MYO16: variants seen among roughly 807,000 people sequenced by gnomAD.
MYO16 encodes myosin XVI.
In MYO16, 94 loss-of-function variants were observed where a neutral mutation model predicts 205.3. That is an observed-to-expected ratio of 0.46 (90% CI 0.39 to 0.54). The LOEUF is 0.54. Ranked by LOEUF, MYO16 falls within the 20% of genes least tolerant of loss-of-function variation. The probability of loss-of-function intolerance (pLI) is 0.00; values close to 1 mark genes in which losing one functional copy is unlikely to be tolerated. For missense variants in MYO16, 2,315 were observed against 2,387.5 expected (o/e 0.97, Z 0.63); for synonymous variants, 988 against 954.0 (o/e 1.04, Z -0.66).
chr13:109,092,101 A>G (rs1888641131), intron 27 of MYO16, among the ~76,000 whole-genome samples: 2 of 152,224 alleles, frequency 1.3e-5, no homozygotes, highest in African/African-American at 4.8e-5. Context: ...AAGGGGTTTC[A>G]GGACACTGAA....
chr13:109,176,788 C>T (rs1244253378), intron 33 of MYO16, among the ~76,000 whole-genome samples: 1 of 151,540 alleles, frequency 6.6e-6, no homozygotes, highest in Non-Finnish European at 1.5e-5. Context: ...CCGTCTCCCC[C>T]AGCACCCACT....
In MYO16 at chr13:109,140,990, C is replaced by A. The variant is rs1280453374; in HGVS notation, c.4778C>A (p.Ser1593Tyr). Residue 1593 changes from serine to tyrosine, a missense_variant, in exon 32 of 35, where the codon TCC becomes TAC. This residue lies in a region of MYO16 where 1,097 missense variants were observed against 1,092.0 expected (regional missense o/e 1.00). Coordinates refer to ENST00000457511, the MANE Select transcript of MYO16 (RefSeq NM_001198950.3). This position sits in a 1 kb window ranked among gnomAD's most constrained non-coding sequence, Gnocchi z 8.0. ...FNGSGRASPP[S>Y]TPPPPPPPPG... The stretch of plus-strand genomic sequence containing the variant: ...GGGTCCGGCCGAGCCTCCCCGCCGT[C>A]CACGCCGCCCCCGCCCCCGCCCCCG... The A allele has an allele frequency of 7.4e-7, 1 of 1,356,204 alleles. No individual in the cohort carries two copies. Among genetic ancestry groups the A allele is most frequent in the African/African-American group, 1.5e-5 (1 of 65,732 alleles). The allele number at this position is 1,356,204 out of a possible 1,614,324, so 84.0% of individuals were successfully genotyped here.
At chr13:108,908,575 G>C (rs1053234864) in intron 15 of MYO16, among the ~76,000 whole-genome samples, 2 of 152,004 alleles carry the variant, frequency 1.3e-5, no homozygotes, top group African/African-American at 2.4e-5. Context: ...CCATTTATTT[G>C]CCTTTCTAAG....
At chr13:108,951,338 A>G (rs1883141766) in intron 16 of MYO16, among the ~76,000 whole-genome samples, 1 of 152,124 alleles carries the variant, frequency 6.6e-6, no homozygotes, top group Admixed American at 6.5e-5. Context: ...ACCTCATGAT[A>G]TGAAGTTAAT....
chr13:108,538,142 T>C, the MYO16 span, among the ~76,000 whole-genome samples: 2 of 152,090 alleles, frequency 1.3e-5, no homozygotes, highest in Non-Finnish European at 2.9e-5. Context: ...ACTTTCTTTT[T>C]CTATTAGCAC....
chr13:108,981,032 C>T (rs1451379727), intron 20 of MYO16, among the ~76,000 whole-genome samples: 3 of 152,148 alleles, frequency 2.0e-5, no homozygotes, highest in Admixed American at 1.3e-4. Context: ...AAAAATGCCT[C>T]CCATGTTGAT....
At chr13:108,767,261 C>T (rs974902023) in intron 4 of MYO16, among the ~76,000 whole-genome samples, 4 of 152,114 alleles carry the variant, frequency 2.6e-5, no homozygotes, top group Admixed American at 2.0e-4. Flanking sequence ...CGCCACCATG[C>T]CCGGTTAATA....
chr13:108,581,893 G>GAAAAAAAAAAAAA, the MYO16 span, among the ~76,000 whole-genome samples: 3 of 122,060 alleles, frequency 2.5e-5, no homozygotes, highest in Non-Finnish European at 5.2e-5. Context: ...AAAAAAAAAA[G>GAAAAAAAAAAAAA]AAAAAAAAAA....
chr13:109,068,698 TCTC>T (rs1887832431), intron 27 of MYO16, among the ~76,000 whole-genome samples: 1 of 152,070 alleles, frequency 6.6e-6, no homozygotes, highest in African/African-American at 2.4e-5. Flanking sequence ...TTCAAGCTAT[TCTC>T]CTGCCTCAGC....
intron 14 of MYO16, among the ~76,000 whole-genome samples, chr13:108,897,123 A>C (rs1263048779): frequency 6.6e-6 from 1 of 152,198 alleles, no homozygotes; most frequent in East Asian, 1.9e-4. Context: ...TCCGTGTATC[A>C]ATAAGGTGTT....
At chr13:109,042,267 GGAAAA>G (rs1886908041) in intron 23 of MYO16, among the ~76,000 whole-genome samples, 1 of 152,168 alleles carries the variant, frequency 6.6e-6, no homozygotes. Context: ...ATCTTTAAAT[GGAAAA>G]GAAAAGTATT....
Position 109,162,209 on chromosome 13 carries a change from G to T in MYO16, c.5165-2692G>T, listed in dbSNP as rs1427066392. Among the ~76,000 whole-genome samples, 2 of 152,190 alleles carry T rather than the reference G, an allele frequency of 1.3e-5. No homozygotes were observed. Among genetic ancestry groups the T allele is most frequent in the African/African-American group, 4.8e-5 (2 of 41,436 alleles). ...TTTTGGCTGCAATTTAAATACATCAGTTGATGAGATAGAAATCAGTTGTGA... is the reference window on the plus strand; with the variant it reads ...TTTTGGCTGCAATTTAAATACATCATTTGATGAGATAGAAATCAGTTGTGA... On this transcript the variant is annotated intron_variant, in intron 32 of 34. Transcript: ENST00000457511. The surrounding 1 kb of genome is among the most constrained non-coding windows in gnomAD (Gnocchi z 4.6).
chr13:108,646,226 T>A (rs1172491971), intron 1 of MYO16, among the ~76,000 whole-genome samples: 1 of 152,252 alleles, frequency 6.6e-6, no homozygotes, highest in East Asian at 1.9e-4. Flanking sequence ...TTAATGTATC[T>A]GGATTATATC....
chr13:108,952,111 CAATAAATAAATAAATAAATA>C (rs142142365), intron 16 of MYO16, among the ~76,000 whole-genome samples: 213 of 138,618 alleles, frequency 1.5e-3, no homozygotes, highest in African/African-American at 4.5e-3. Flanking sequence ...GACTCCATCT[CAATAAATAAATAAATAAATA>C]AATAAATAAA....
chr13:108,753,651 A>T (rs1320700841), intron 4 of MYO16, among the ~76,000 whole-genome samples: 2 of 152,170 alleles, frequency 1.3e-5, no homozygotes, highest in African/African-American at 4.8e-5. Context: ...AAGAAAATAT[A>T]GAAAGTATAT....
chr13:108,553,174 A>C, the MYO16 span, among the ~76,000 whole-genome samples: 2 of 151,500 alleles, frequency 1.3e-5, no homozygotes, highest in African/African-American at 4.9e-5. Flanking sequence ...GTGTGCCACC[A>C]CGCCCAACTA....
At chr13:108,505,111 GGA>G in the MYO16 span, among the ~76,000 whole-genome samples, 1 of 152,132 alleles carries the variant, frequency 6.6e-6, no homozygotes, top group African/African-American at 2.4e-5. Flanking sequence ...ATCCTGTGAT[GGA>G]CATGGGTGTG....
At chr13:108,642,161 C>G (rs1336847778) in intron 1 of MYO16, among the ~76,000 whole-genome samples, 1 of 152,188 alleles carries the variant, frequency 6.6e-6, no homozygotes, top group Non-Finnish European at 1.5e-5. Context: ...CTTCTCCTTA[C>G]CGTTATTCTT....
chr13:108,746,028 A>C (rs1885050403), intron 4 of MYO16, among the ~76,000 whole-genome samples: 1 of 119,346 alleles, frequency 8.4e-6, no homozygotes, highest in Admixed American at 9.0e-5. Flanking sequence ...TCTACTAAAA[A>C]AATACAAAAA....
Sources: allele counts gnomAD v4.1 joint callset (sites outside exome capture counted in the v4.1 genomes callset), GRCh38; gene constraint gnomAD v4.1.1; regional missense constraint gnomAD v4.1.1; non-coding constraint Gnocchi (gnomAD v3.1); transcripts MANE v1.5; gene names NCBI Gene and HGNC (gene_info 2026-07-23, HGNC 2026-07-21).